The following ZNF765 variants were observed in gnomAD, a reference collection of about 807,000 sequenced individuals.
The protein encoded by ZNF765 is zinc finger protein 765.
Under a neutral mutation model 44.7 loss-of-function variants are expected in ZNF765, and 37 were observed. That is an observed-to-expected ratio of 0.83 (90% CI 0.64 to 1.09). ZNF765 has a LOEUF of 1.09. Among genes scored for constraint, ZNF765 ranks in the 50% least tolerant of loss-of-function variants. The pLI, the probability that ZNF765 is intolerant of heterozygous loss-of-function variation, is 0.00. For synonymous variants in ZNF765, 201 were observed against 213.7 expected (o/e 0.94, Z 0.52); for missense variants, 594 against 626.1 (o/e 0.95, Z 0.55).
Position 53,409,395 on chromosome 19 carries a change from C to G in ZNF765, c.*268C>G. 1.2e-6 allele frequency: 1 copy of G among 843,874 alleles called. No homozygotes were observed. Among genetic ancestry groups the G allele is most frequent in the Admixed American group, 1.7e-5 (1 of 57,296 alleles). The allele number at this position is 843,874 out of a possible 1,614,324, so 52.3% of individuals were successfully genotyped here. On this transcript the variant is annotated 3_prime_UTR_variant, in exon 4 of 4. Transcript: ENST00000396408. ...AATGTGAAGAATGTGAAGAAGCTTTCTGTTTCAAATCCAACCTTGAAAGAC... is the reference window on the plus strand; with the variant it reads ...AATGTGAAGAATGTGAAGAAGCTTTGTGTTTCAAATCCAACCTTGAAAGAC...
At chr19:53,417,032 G>C (rs12978253) in intron 3 of ZNF765, among the ~76,000 whole-genome samples, 1 of 151,928 alleles carries the variant, frequency 6.6e-6, no homozygotes, top group Non-Finnish European at 1.5e-5. Context: ...TGGCCAGGCC[G>C]GTCCCTAACT....
rs2085805032 is a variant in ZNF765 at position 53,408,827 on chromosome 19, A to G, written c.1272A>G (p.Leu424=). 1.2e-6 allele frequency: 2 copies of G among 1,614,042 alleles called. No individual in the cohort carries two copies. The highest frequency in any genetic ancestry group is 2.7e-5 in the African/African-American group (2 of 74,916). The change falls in exon 4 of 4, where the codon TTA becomes TTG. Residue 424 remains leucine (L), a synonymous_variant. Transcript: ENST00000396408. ...GTGGCAAGACCTTCAATCAGCAGTT[A>G]ACCCTTAACATTTGTAGACTTCATA... The part of the protein sequence containing the change: ...NECGKTFNQQ[L]TLNICRLHSG...
At chr19:53,405,379 C>G (rs2085764205) in intron 3 of ZNF765, among the ~76,000 whole-genome samples, 1 of 152,108 alleles carries the variant, frequency 6.6e-6, no homozygotes, top group East Asian at 1.9e-4. Flanking sequence ...CCACTACACT[C>G]CAGCATGGGT....
intron 1 of ZNF765, among the ~76,000 whole-genome samples, chr19:53,395,483 A>G (rs1440790396): frequency 2.0e-5 from 3 of 152,102 alleles, no homozygotes; most frequent in African/African-American, 7.2e-5. Context: ...CGCGCTTTTT[A>G]AAGTCCTCAC....
At chr19:53,404,203 G>C (rs538931583) in intron 3 of ZNF765, among the ~76,000 whole-genome samples, 2 of 151,474 alleles carry the variant, frequency 1.3e-5, no homozygotes, top group Non-Finnish European at 2.9e-5. Context: ...TCAGTGTCCT[G>C]AGTAGCTGGG....
intron 2 of ZNF765, among the ~76,000 whole-genome samples, chr19:53,400,116 G>C (rs2085708737): frequency 6.6e-6 from 1 of 152,096 alleles, no homozygotes; most frequent in Admixed American, 6.6e-5. Flanking sequence ...CTGGCCCCCA[G>C]TAGTTATTTT....
chr19:53,424,662 C>CTTTTTT (rs528851152), exon 4 of ZNF765: 25 of 128,064 alleles, frequency 2.0e-4, no homozygotes, highest in Middle Eastern at 4.3e-3. Flanking sequence ...CTTCTCCATT[C>CTTTTTT]TTTTTTTTTT....
chr19:53,425,248 T>G (rs776606714), exon 4 of ZNF765: 2 of 152,216 alleles, frequency 1.3e-5, no homozygotes, highest in Non-Finnish European at 2.9e-5. Context: ...CACACCGCAC[T>G]GCAGCAGCTC....
chr19:53,413,930 C>CAAAAAAAAAAAAAAAAAAAAAA (rs386389261), downstream of ZNF765, among the ~76,000 whole-genome samples: 1 of 79,784 alleles, frequency 1.3e-5, no homozygotes, highest in Non-Finnish European at 2.2e-5. Flanking sequence ...GCTAGAAAGA[C>CAAAAAAAAAAAAAAAAAAAAAA]AAAAAAAAAA....
chr19:53,400,368 CTG>C (rs2085711499), intron 2 of ZNF765, among the ~76,000 whole-genome samples: 1 of 152,116 alleles, frequency 6.6e-6, no homozygotes, highest in Non-Finnish European at 1.5e-5. Context: ...GTGGCTGCCT[CTG>C]TGCACACCCG....
At chr19:53,414,962 T>C (rs2085866150), downstream of ZNF765, among the ~76,000 whole-genome samples, 1 of 152,160 alleles carries the variant, frequency 6.6e-6, no homozygotes, top group Non-Finnish European at 1.5e-5. Flanking sequence ...GTAGATCTAT[T>C]GCAACTGTTA....
In ZNF765 at chr19:53,408,797, T is replaced by C; in HGVS notation, c.1242T>C (p.Asn414=). The change falls in exon 4 of 4, where the codon AAT becomes AAC. Residue 414 remains asparagine (N), a synonymous_variant. Transcript: ENST00000396408. The stretch of plus-strand genomic sequence containing the variant: ...CTGAAGAGAAACCTTACAAGTGTAA[T>C]GAGTGTGGCAAGACCTTCAATCAGC... The part of the protein sequence containing the change: ...LHTEEKPYKC[N]ECGKTFNQQL... 1 of 1,613,944 alleles carries C rather than the reference T, an allele frequency of 6.2e-7. No homozygotes were observed. Among genetic ancestry groups the C allele is most frequent in the South Asian group, 1.1e-5 (1 of 91,074 alleles).
chr19:53,422,309 A>G (rs2085912046), intron 3 of ZNF765, among the ~76,000 whole-genome samples: 1 of 152,132 alleles, frequency 6.6e-6, no homozygotes, highest in Non-Finnish European at 1.5e-5. Flanking sequence ...TCCCCATTCT[A>G]CCCCAAACAT....
At chr19:53,403,654 C>G (rs1471204389) in intron 3 of ZNF765, among the ~76,000 whole-genome samples, 2 of 152,120 alleles carry the variant, frequency 1.3e-5, no homozygotes, top group African/African-American at 2.4e-5. Context: ...AACCAGCCTG[C>G]CTAACATGGC....
exon 4 of ZNF765, chr19:53,423,864 T>C: frequency 6.5e-6 from 1 of 152,722 alleles, no homozygotes; most frequent in Admixed American, 6.2e-5. Context: ...TGATCCCCCC[T>C]CCAACCACAC....
exon 4 of ZNF765, chr19:53,425,240 C>A (rs11883432): frequency 0.24 from 36,873 of 151,968 alleles, 4,795 homozygotes; most frequent in East Asian, 0.49. Context: ...CCTCCACCCA[C>A]ACCGCACTGC....
In ZNF765 at chr19:53,409,466, G is replaced by A; in HGVS notation, c.*339G>A. The A allele has an allele frequency of 1.1e-6, 1 of 886,268 alleles. No individual in the cohort carries two copies. The highest frequency in any genetic ancestry group is 1.7e-5 in the Admixed American group (1 of 58,348). The allele number at this position is 886,268 out of a possible 1,614,324, so 54.9% of individuals were successfully genotyped here. ...GAGAAACCTTACAGGTGTAATGAGT[G>A]TGGCAAGACCTTCAGCCAGACCTCA... On this transcript the variant is annotated 3_prime_UTR_variant, in exon 4 of 4. Coordinates refer to ENST00000396408, the MANE Select transcript of ZNF765 (RefSeq NM_001040185.3).
Position 53,407,969 on chromosome 19 carries a change from T to C in ZNF765, c.414T>C (p.Tyr138=), listed in dbSNP as rs1281899655. The change falls in exon 4 of 4, where the codon TAT becomes TAC. Residue 138 remains tyrosine (Y), a synonymous_variant. Coordinates refer to ENST00000396408, the MANE Select transcript of ZNF765 (RefSeq NM_001040185.3). ...QNYAGNKPVK[Y]QLGFSFHSHL... ...ATGCTGGAAACAAGCCTGTTAAATA[T>C]CAGCTTGGATTCAGCTTTCATTCGC... 1 of 1,614,044 alleles carries C rather than the reference T, an allele frequency of 6.2e-7. No individual in the cohort carries two copies. The highest frequency in any genetic ancestry group is 8.5e-7 in the Non-Finnish European group (1 of 1,180,046).
At chr19:53,418,910 G>A (rs1339800688) in intron 3 of ZNF765, among the ~76,000 whole-genome samples, 10 of 96,838 alleles carry the variant, frequency 1.0e-4, no homozygotes, top group East Asian at 3.0e-4. Context: ...GTTGTGGGAG[G>A]AAAAAAAAAA....
Sources: allele counts gnomAD v4.1 joint callset (sites outside exome capture counted in the v4.1 genomes callset), GRCh38; gene constraint gnomAD v4.1.1; transcripts MANE v1.5; gene names NCBI Gene and HGNC (gene_info 2026-07-23, HGNC 2026-07-21).